The following SMARCA2 variants were observed in gnomAD, a reference collection of about 807,000 sequenced individuals.
SMARCA2 encodes SWI/SNF-related matrix-associated actin-dependent regulator of chromatin subfamily A member 2.
In SMARCA2, 61 loss-of-function variants were observed where a neutral mutation model predicts 199.8. That is an observed-to-expected ratio of 0.31 (90% confidence interval 0.25 to 0.38). The LOEUF (loss-of-function observed/expected upper bound fraction) is 0.38. Among genes scored for constraint, SMARCA2 ranks in the 10% least tolerant of loss-of-function variants. The pLI is 1.00. For missense variants in SMARCA2, 1,344 were observed against 2,012.2 expected (o/e 0.67, Z 6.35); for synonymous variants, 935 against 732.0 (o/e 1.28, Z -4.48).
chr9:2,090,608 AC>A (rs1822012470), intron 19 of SMARCA2, among the ~76,000 whole-genome samples: 1 of 152,194 alleles, frequency 6.6e-6, no homozygotes, highest in African/African-American at 2.4e-5. Context: ...CATGGTGGGC[AC>A]CCAACCAATG....
At chr9:2,041,489 C>A in intron 4 of SMARCA2, 1 of 398,306 alleles carries the variant, frequency 2.5e-6, no homozygotes, top group South Asian at 1.3e-4. Context: ...GGCATGAATC[C>A]CAATTATGAG....
chr9:2,190,282 C>G (rs1827786374), intron 32 of SMARCA2, among the ~76,000 whole-genome samples: 2 of 152,098 alleles, frequency 1.3e-5, no homozygotes, highest in South Asian at 2.1e-4. Flanking sequence ...TCCACCATAC[C>G]TCCCTCAAAT....
At position 2,020,141 on chromosome 9, in the gene SMARCA2, T is replaced by G. The variant is rs567085090; in HGVS notation, c.-37+4737T>G. On this transcript the variant is annotated intron_variant, in intron 1 of 33. Coordinates refer to ENST00000349721, the MANE Select transcript of SMARCA2 (RefSeq NM_003070.5). ...CCTTAGAAAACTATATGAGTTACAT[T>G]TCTTTTCTGCTGTATTTCTTGTGAA... is the stretch of plus-strand genomic sequence containing the variant. Among the ~76,000 whole-genome samples the G allele has an allele frequency of 3.3e-5, 5 of 152,358 alleles. No individual in the cohort carries two copies. The South Asian group carries it at 1.0e-3, about 32-fold the overall frequency.
intron 9 of SMARCA2, among the ~76,000 whole-genome samples, chr9:2,064,916 G>A (rs1295205683): frequency 6.6e-6 from 1 of 152,218 alleles, no homozygotes; most frequent in Non-Finnish European, 1.5e-5. Flanking sequence ...TGGGTGCGGC[G>A]GCTCACGCCT....
chr9:2,049,205 G>T (rs1276115523), intron 5 of SMARCA2, among the ~76,000 whole-genome samples: 2 of 152,142 alleles, frequency 1.3e-5, no homozygotes, highest in Non-Finnish European at 2.9e-5. Flanking sequence ...CCTGGTATGT[G>T]TGTGTGCACA....
rs968035494 is a variant in SMARCA2, at chr9:2,086,649, G to A, written c.2527-180G>A. On this transcript the variant is annotated intron_variant, in intron 17 of 33. Coordinates refer to ENST00000349721, the MANE Select transcript of SMARCA2 (RefSeq NM_003070.5). The surrounding 1 kb of genome is among the most constrained non-coding windows in gnomAD (Gnocchi z 4.3). ...TTCCTTTAACATTCTATTATTATAG[G>A]ATGTCTTATGCGGCCTATCAGGCAT... Among the ~76,000 whole-genome samples, 4 of 152,130 alleles carry A rather than the reference G, an allele frequency of 2.6e-5. No individual in the cohort carries two copies. Among genetic ancestry groups the A allele is most frequent in the Non-Finnish European group, 4.4e-5 (3 of 68,020 alleles).
intron 27 of SMARCA2, among the ~76,000 whole-genome samples, chr9:2,130,869 C>T (rs930809156): frequency 4.6e-5 from 7 of 152,154 alleles, no homozygotes; most frequent in African/African-American, 9.7e-5. Context: ...CACGGTTTTC[C>T]GGTTTAATGT....
At chr9:2,176,110 A>G (rs1022756470) in intron 29 of SMARCA2, among the ~76,000 whole-genome samples, 1 of 149,068 alleles carries the variant, frequency 6.7e-6, no homozygotes, top group Non-Finnish European at 1.5e-5. Context: ...TGAACTCCTG[A>G]CCTCAGGTGA....
chr9:2,034,729 G>A lies in SMARCA2; in HGVS notation c.355+1648G>A, dbSNP rs568500461. On this transcript the variant is annotated intron_variant, in intron 3 of 33. Coordinates refer to ENST00000349721, the MANE Select transcript of SMARCA2 (RefSeq NM_003070.5). ...TTCTTTTTGAAATATAAATAGGCAA[G>A]TCATGGAGGCATAGGAGTGCCTCCC... Among the ~76,000 whole-genome samples, 43 of 152,274 alleles carry A rather than the reference G, an allele frequency of 2.8e-4. No individual in the cohort carries two copies. The South Asian group carries it at 8.5e-3, about 30-fold the overall frequency.
chr9:2,158,701 G>T, intron 27 of SMARCA2: 2 of 387,658 alleles, frequency 5.2e-6, no homozygotes, highest in Admixed American at 4.4e-5. Flanking sequence ...GTTTGAGTCA[G>T]TTGAGCCAGT....
intron 29 of SMARCA2, 28 bp from the exon 30 acceptor site, chr9:2,181,543 G>A (rs762539541): frequency 9.1e-7 from 1 of 1,102,594 alleles, no homozygotes; most frequent in African/African-American, 1.5e-5. Flanking sequence ...GATGTGGCTT[G>A]TTTTTGTTTG....
At chr9:2,164,305 G>A (rs563089317) in intron 28 of SMARCA2, among the ~76,000 whole-genome samples, 8 of 151,928 alleles carry the variant, frequency 5.3e-5, no homozygotes, top group South Asian at 2.1e-4. Context: ...TTAAACCTCA[G>A]CTAAGCATTG....
chr9:2,097,088 G>A (rs1822304485), intron 20 of SMARCA2: 1 of 494,474 alleles, frequency 2.0e-6, no homozygotes, highest in African/African-American at 1.9e-5. Flanking sequence ...CATCTGTTCT[G>A]TGCTTCTGTG....
chr9:2,058,540 G>T (rs764041714), intron 8 of SMARCA2, 76 bp downstream of exon 8: 33 of 1,211,418 alleles, frequency 2.7e-5, no homozygotes, highest in Non-Finnish European at 3.4e-5. Context: ...AAATATGGTG[G>T]TAGTAGAAGG....
intron 17 of SMARCA2, chr9:2,085,967 G>A (rs1298474150): frequency 6.6e-6 from 1 of 152,260 alleles, no homozygotes; most frequent in East Asian, 1.9e-4. Context: ...GGAACGTACT[G>A]TGTAGACAGG....
At chr9:2,135,492 T>A (rs1412084425) in intron 27 of SMARCA2, among the ~76,000 whole-genome samples, 2 of 152,210 alleles carry the variant, frequency 1.3e-5, no homozygotes, top group Non-Finnish European at 2.9e-5. Context: ...TATGGCAGCC[T>A]GAACTAAGAC....
chr9:2,190,674 T>TG (rs1269172868), intron 32 of SMARCA2, among the ~76,000 whole-genome samples: 3 of 152,174 alleles, frequency 2.0e-5, no homozygotes, highest in Non-Finnish European at 4.4e-5. Context: ...TGGATGTACT[T>TG]GCAGGTATGG....
chr9:2,167,590 C>T (rs1157030915), intron 28 of SMARCA2, among the ~76,000 whole-genome samples: 1 of 152,168 alleles, frequency 6.6e-6, no homozygotes, highest in Admixed American at 6.5e-5. Context: ...CTCCTGCCTC[C>T]CTGACACTCT....
At chr9:2,124,777 C>T (rs1438972549) in intron 27 of SMARCA2, among the ~76,000 whole-genome samples, 1 of 152,164 alleles carries the variant, frequency 6.6e-6, no homozygotes, top group African/African-American at 2.4e-5. Context: ...TCTTAGGAGT[C>T]GCGTGTGTGA....
Sources: gnomAD v4.1 joint callset for allele counts (sites outside exome capture counted in the v4.1 genomes callset) on GRCh38, gnomAD v4.1.1 for gene constraint, Gnocchi (gnomAD v3.1) non-coding constraint, MANE v1.5 for transcripts, NCBI Gene and HGNC (gene_info 2026-07-23, HGNC 2026-07-21) for gene names.